The following PARN variants were observed in gnomAD, a reference collection of about 807,000 sequenced individuals.
PARN encodes poly(A)-specific ribonuclease PARN.
A neutral mutation model predicts 102.8 loss-of-function variants in PARN; 71 were observed. That is an observed-to-expected ratio of 0.69 (90% confidence interval 0.57 to 0.84). The LOEUF is 0.84. Among genes scored for constraint, PARN ranks in the 40% least tolerant of loss-of-function variants. PARN has a pLI of 0.00. For synonymous variants in PARN, 261 were observed against 252.9 expected (o/e 1.03, Z -0.30); for missense variants, 782 against 760.9 (o/e 1.03, Z -0.33).
chr16:14,624,283 C>G, intron 5 of PARN, among the ~76,000 whole-genome samples: 1 of 152,198 alleles, frequency 6.6e-6, no homozygotes, highest in East Asian at 1.9e-4. Flanking sequence ...TCTGCTACAA[C>G]TATAGAATTT....
chr16:14,619,770 TA>T (rs912560090), intron 5 of PARN, among the ~76,000 whole-genome samples: 121 of 144,486 alleles, frequency 8.4e-4, no homozygotes, highest in South Asian at 2.9e-3. Context: ...CTCTGCCTCT[TA>T]AAAAAAAAAC....
At chr16:14,525,972 C>T (rs765044936) in intron 21 of PARN, among the ~76,000 whole-genome samples, 9 of 151,922 alleles carry the variant, frequency 5.9e-5, no homozygotes, top group Non-Finnish European at 1.0e-4. Flanking sequence ...GTGTGCACCA[C>T]CAGGCCCGGC....
intron 19 of PARN, among the ~76,000 whole-genome samples, chr16:14,554,933 T>C (rs1449499662): frequency 6.6e-6 from 1 of 152,190 alleles, no homozygotes; most frequent in African/African-American, 2.4e-5. Flanking sequence ...CTAGAACTTA[T>C]TTGTGCAGCT....
At chr16:14,492,260 T>C (rs539191896) in intron 21 of PARN, among the ~76,000 whole-genome samples, 1 of 152,294 alleles carries the variant, frequency 6.6e-6, no homozygotes, top group Non-Finnish European at 1.5e-5. Flanking sequence ...CATTCCTTCC[T>C]CTCTGCTTTC....
intron 21 of PARN, among the ~76,000 whole-genome samples, chr16:14,513,132 C>T (rs956750929): frequency 6.6e-6 from 1 of 152,092 alleles, no homozygotes; most frequent in Non-Finnish European, 1.5e-5. Flanking sequence ...ACCATGTTGG[C>T]CAGGCTGGTC....
chr16:14,476,630 G>C (rs1367361412), intron 22 of PARN, among the ~76,000 whole-genome samples: 1 of 152,130 alleles, frequency 6.6e-6, no homozygotes, highest in Non-Finnish European at 1.5e-5. Context: ...AAGAGTTCAA[G>C]ACCAGCCTGG....
rs924068361 is a variant in PARN at position 14,435,990 on chromosome 16, A to T, written c.*727T>A. The stretch of plus-strand genomic sequence containing the variant: ...GCCGTACCCCGAGACCGCCATCCAA[A>T]CAAACGAACAGAGACTCTGGAAAGT... On this transcript the variant is annotated 3_prime_UTR_variant, in exon 24 of 24. Transcript: ENST00000437198. 1 of 152,190 alleles carries T rather than the reference A, an allele frequency of 6.6e-6. No individual in the cohort carries two copies. Among genetic ancestry groups the T allele is most frequent in the Non-Finnish European group, 1.5e-5 (1 of 68,132 alleles). 9.4% of individuals were successfully genotyped at this position (152,190 alleles called of 1,614,324 possible). A position where few individuals can be genotyped will look rare whatever the true frequency, so the allele number is the denominator to read the frequency against.
chr16:14,602,273 G>T (rs895603487), intron 11 of PARN, among the ~76,000 whole-genome samples: 6 of 151,974 alleles, frequency 3.9e-5, no homozygotes, highest in Non-Finnish European at 8.8e-5. Flanking sequence ...TAATCTCCCG[G>T]TACATTTTGT....
rs1046430358 is a variant in PARN at position 14,454,271 on chromosome 16, A to C, written c.1671-7190T>G. Among the ~76,000 whole-genome samples the C allele has an allele frequency of 2.0e-5, 3 of 152,240 alleles. No homozygotes were observed. The East Asian group carries it at 5.8e-4, about 29-fold the overall frequency. On this transcript the variant is annotated intron_variant, in intron 22 of 23. Coordinates refer to ENST00000437198, the MANE Select transcript of PARN (RefSeq NM_002582.4). ...CAAGGTGGGCGGATCGCTTGAGCTC[A>C]GGAGTTCAAGACCAGCCTGGGCAAC...
intron 15 of PARN, 35 bp from the exon 16 acceptor site, chr16:14,584,457 A>G (rs763752972): frequency 5.2e-6 from 8 of 1,524,148 alleles, no homozygotes; most frequent in Non-Finnish European, 6.4e-6. Context: ...ATGAGATTTC[A>G]TCATCTCAGA....
Position 14,548,331 on chromosome 16 carries a change from CA to C in PARN, c.1480+3689del, listed in dbSNP as rs1409607719. On this transcript the variant is annotated intron_variant, in intron 21 of 23. Coordinates refer to ENST00000437198, the MANE Select transcript of PARN (RefSeq NM_002582.4). Reference sequence around the variant, plus strand: ...TCATTAGAATCACCATTATAAAGAACAAATTTCACACCGTCTTTCAGTGAAA... The same window carrying C: ...TCATTAGAATCACCATTATAAAGAACAATTTCACACCGTCTTTCAGTGAAA... Among the ~76,000 whole-genome samples, 3 of 151,916 alleles carry C rather than the reference CA, an allele frequency of 2.0e-5. No homozygotes were observed. The East Asian group carries it at 5.8e-4, about 29-fold the overall frequency.
chr16:14,549,968 C>G (rs1967191372), intron 21 of PARN, among the ~76,000 whole-genome samples: 1 of 152,192 alleles, frequency 6.6e-6, no homozygotes, highest in Admixed American at 6.5e-5. Flanking sequence ...AAAGTTAGTC[C>G]CCGTGTCAGT....
intron 21 of PARN, among the ~76,000 whole-genome samples, chr16:14,500,369 C>A (rs951629166): frequency 1.3e-5 from 2 of 152,092 alleles, no homozygotes; most frequent in African/African-American, 4.8e-5. Context: ...AGAATGGTTT[C>A]TGTAAACTTT....
intron 20 of PARN, among the ~76,000 whole-genome samples, chr16:14,552,632 T>A (rs1032903515): frequency 1.3e-5 from 2 of 151,546 alleles, no homozygotes; most frequent in African/African-American, 4.8e-5. Context: ...CACACCACCA[T>A]GCTTACACAT....
rs939230622 is a variant in PARN at position 14,436,040 on chromosome 16, A to G, written c.*677T>C. ...TGAACACAGCGCCACGCATAAGAAC[A>G]GAAGTTAACCTTTTTACTCGTACAT... On this transcript the variant is annotated 3_prime_UTR_variant, in exon 24 of 24. Transcript: ENST00000437198. 1.3e-5 allele frequency: 2 copies of G among 152,324 alleles called. No individual in the cohort carries two copies. The highest frequency in any genetic ancestry group is 6.5e-5 in the Admixed American group (1 of 15,290). 9.4% of individuals were successfully genotyped at this position (152,324 alleles called of 1,614,324 possible).
intron 22 of PARN, among the ~76,000 whole-genome samples, chr16:14,461,507 T>C (rs1027577356): frequency 6.6e-5 from 10 of 152,202 alleles, no homozygotes. Context: ...TGTAGTGAAA[T>C]ATCTCTGAGA....
At chr16:14,519,023 G>A (rs1482312324) in intron 21 of PARN, among the ~76,000 whole-genome samples, 3 of 151,804 alleles carry the variant, frequency 2.0e-5, no homozygotes, top group Non-Finnish European at 4.4e-5. Flanking sequence ...GAATGCACTG[G>A]TTTTGTTATT....
chr16:14,436,808 ACCAG>A (rs1355229091), intron 23 of PARN, 36 bp from the exon 24 acceptor site: 1 of 1,495,926 alleles, frequency 6.7e-7, no homozygotes, highest in Non-Finnish European at 9.2e-7. Flanking sequence ...GAACAGCAGG[ACCAG>A]GACGGCACCT....
chr16:14,508,501 T>A (rs1965013707), intron 21 of PARN, among the ~76,000 whole-genome samples: 1 of 152,112 alleles, frequency 6.6e-6, no homozygotes, highest in Non-Finnish European at 1.5e-5. Context: ...ATTTAGAGGA[T>A]CTAAAAAGTG....
Sources: allele counts gnomAD v4.1 joint callset (sites outside exome capture counted in the v4.1 genomes callset), GRCh38; gene constraint gnomAD v4.1.1; transcripts MANE v1.5; gene names NCBI Gene and HGNC (gene_info 2026-07-23, HGNC 2026-07-21).